Variants in RPH3AL observed in about 807,000 individuals in gnomAD.
The protein encoded by RPH3AL is rabphilin 3A like (without C2 domains).
RPH3AL carries 38 observed loss-of-function variants against 43.1 expected under a neutral mutation model. That is an observed-to-expected ratio of 0.88 (90% CI 0.68 to 1.15). RPH3AL has a LOEUF of 1.15. Among genes scored for constraint, RPH3AL ranks in the 50% most tolerant of loss-of-function variants. The pLI is 0.00. For synonymous variants in RPH3AL, 189 were observed against 176.3 expected (o/e 1.07, Z -0.57); for missense variants, 462 against 423.2 (o/e 1.09, Z -0.81).
In RPH3AL at chr17:283,164, G is replaced by A. The variant is rs1325942770; in HGVS notation, c.352-1310C>T. ...GTCCCTGCGTGGGTGGGGGCTCTCT[G>A]CAGCCCCCCGCCGAGGGAAGGTTGC... is the stretch of plus-strand genomic sequence containing the variant. On this transcript the variant is annotated intron_variant, in intron 5 of 9. Coordinates refer to ENST00000331302, the MANE Select transcript of RPH3AL (RefSeq NM_006987.4). The surrounding 1 kb of genome is among the most constrained non-coding windows in gnomAD (Gnocchi z 4.2). 2.6e-5 allele frequency among the ~76,000 whole-genome samples: 4 copies of A among 152,152 alleles called. No individual in the cohort carries two copies. The highest frequency in any genetic ancestry group is 4.8e-5 in the African/African-American group (2 of 41,426).
chr17:296,873 C>T (rs1184905790), intron 5 of RPH3AL, among the ~76,000 whole-genome samples: 1 of 152,218 alleles, frequency 6.6e-6, no homozygotes, highest in African/African-American at 2.4e-5. Context: ...AGGAACCCAC[C>T]AGCTCCGCTC....
In RPH3AL at chr17:312,112, G is replaced by A. The variant is rs1041274345; in HGVS notation, c.351+7308C>T. On this transcript the variant is annotated intron_variant, in intron 5 of 9. Transcript: ENST00000331302. ...TGAGGGCTAGTTAGAGACCAGCCCG[G>A]GCAACAAAGCGATACCCTGTCTCTA... is the stretch of plus-strand genomic sequence containing the variant. Among the ~76,000 whole-genome samples, 4 of 152,212 alleles carry A rather than the reference G, an allele frequency of 2.6e-5. No individual in the cohort carries two copies. The South Asian group carries it at 8.3e-4, about 32-fold the overall frequency.
intron 7 of RPH3AL, among the ~76,000 whole-genome samples, chr17:226,227 TGAA>T (rs2041104141): frequency 6.6e-6 from 1 of 152,158 alleles, no homozygotes. Flanking sequence ...GCCACAGCCG[TGAA>T]GAAGTGGGGA....
At chr17:258,731 C>T (rs1317656156) in intron 6 of RPH3AL, among the ~76,000 whole-genome samples, 1 of 150,802 alleles carries the variant, frequency 6.6e-6, no homozygotes, top group African/African-American at 2.4e-5. Flanking sequence ...GCCATTGGTA[C>T]TCAGCCATTT....
chr17:232,131 T>C (rs117849583), intron 7 of RPH3AL, among the ~76,000 whole-genome samples: 30,454 of 152,116 alleles, frequency 0.2, 3,740 homozygotes, highest in Non-Finnish European at 0.28. Context: ...AAGCAAGACG[T>C]GGCCGGGCCT....
At chr17:313,821 A>G (rs1477125144) in intron 5 of RPH3AL, among the ~76,000 whole-genome samples, 1 of 152,160 alleles carries the variant, frequency 6.6e-6, no homozygotes, top group African/African-American at 2.4e-5. Flanking sequence ...ACCTTCTCCA[A>G]GAAGGAAGAG....
chr17:231,485 T>C (rs1218263236), intron 7 of RPH3AL, among the ~76,000 whole-genome samples: 1 of 152,214 alleles, frequency 6.6e-6, no homozygotes, highest in Non-Finnish European at 1.5e-5. Flanking sequence ...GACGGACAGT[T>C]GGCCCTGGGA....
In RPH3AL at chr17:289,967, C is replaced by T. The variant is rs1218578571; in HGVS notation, c.352-8113G>A. ...TGGCTGCAGGGCTCCTGTGACTTCC[C>T]CTGCTGGGCCGTCATCTTCCCAAGG... On this transcript the variant is annotated intron_variant, in intron 5 of 9. Coordinates refer to ENST00000331302, the MANE Select transcript of RPH3AL (RefSeq NM_006987.4). The surrounding 1 kb of genome is among the most constrained non-coding windows in gnomAD (Gnocchi z 5.2). 2.0e-5 allele frequency among the ~76,000 whole-genome samples: 3 copies of T among 152,220 alleles called. No homozygotes were observed. The highest frequency in any genetic ancestry group is 6.5e-5 in the Admixed American group (1 of 15,278).
In RPH3AL at chr17:290,544, G is replaced by T. The variant is rs1480127246; in HGVS notation, c.352-8690C>A. 6.6e-6 allele frequency among the ~76,000 whole-genome samples: 1 copy of T among 152,158 alleles called. No homozygotes were observed. Among genetic ancestry groups the T allele is most frequent in the African/African-American group, 2.4e-5 (1 of 41,448 alleles). On this transcript the variant is annotated intron_variant, in intron 5 of 9. Coordinates refer to ENST00000331302, the MANE Select transcript of RPH3AL (RefSeq NM_006987.4). The surrounding 1 kb of genome is among the most constrained non-coding windows in gnomAD (Gnocchi z 4.2). ...GTCCTTCTTATCCAGGGCCACTTCA[G>T]TGACATTTCTGCTTCCTGCGACTCC...
Position 264,010 on chromosome 17 carries a change from C to T in RPH3AL, c.439-16725G>A, listed in dbSNP as rs1567596543. 6.6e-6 allele frequency among the ~76,000 whole-genome samples: 1 copy of T among 152,102 alleles called. No homozygotes were observed. Among genetic ancestry groups the T allele is most frequent in the Non-Finnish European group, 1.5e-5 (1 of 68,020 alleles). ...GAGGGTATCGTGCTGTTAGCGGACGCGATGCTGCTTTCCAAGATGGCTGGG... is the reference window on the plus strand; with the variant it reads ...GAGGGTATCGTGCTGTTAGCGGACGTGATGCTGCTTTCCAAGATGGCTGGG... On this transcript the variant is annotated intron_variant, in intron 6 of 9. Transcript: ENST00000331302. This position sits in a 1 kb window ranked among gnomAD's most constrained non-coding sequence, Gnocchi z 4.8.
chr17:332,713 C>G (rs4074372), intron 2 of RPH3AL: 144,815 of 249,878 alleles, frequency 0.58, 45,538 homozygotes, highest in Admixed American at 0.7. Context: ...ACGGGGTAGT[C>G]GGCCTCAAGG....
intron 3 of RPH3AL, among the ~76,000 whole-genome samples, chr17:325,139 G>C (rs2044589746): frequency 1.3e-5 from 2 of 152,300 alleles, no homozygotes; most frequent in South Asian, 2.1e-4. Flanking sequence ...GGGATTACAG[G>C]CGTGAGCCAC....
intron 5 of RPH3AL, among the ~76,000 whole-genome samples, chr17:295,376 A>G: frequency 1.5e-5 from 2 of 130,406 alleles, no homozygotes; most frequent in East Asian, 2.4e-4. Flanking sequence ...AATGCACATC[A>G]GTGTGGGAGG....
At chr17:222,807 C>T (rs2041022691) in intron 7 of RPH3AL, among the ~76,000 whole-genome samples, 2 of 152,316 alleles carry the variant, frequency 1.3e-5, no homozygotes, top group Admixed American at 1.3e-4. Flanking sequence ...CTGCAGAATC[C>T]TCCTTTTTCC....
chr17:297,219 G>A (rs1383124336), intron 5 of RPH3AL, among the ~76,000 whole-genome samples: 2 of 152,208 alleles, frequency 1.3e-5, no homozygotes, highest in Non-Finnish European at 2.9e-5. Flanking sequence ...ATCCCCACAT[G>A]CCCCACCCAG....
chr17:243,161 ACCTTCCTCTATTGATTAC>A (rs1329174105), intron 7 of RPH3AL, among the ~76,000 whole-genome samples: 1 of 111,688 alleles, frequency 9.0e-6, no homozygotes, highest in Non-Finnish European at 1.9e-5. Context: ...TCTATTGATT[ACCTTCCTCTATTGATTAC>A]CCTTCCTCTA....
Position 238,364 on chromosome 17 carries a change from G to A in RPH3AL, c.613+8747C>T, listed in dbSNP as rs115214361. Reference sequence around the variant, plus strand: ...GAGAGAGAGAGAAAAGAAAAGAAACGAAACTCCAGGGCAGACCTAGGCAGC... The same window carrying A: ...GAGAGAGAGAGAAAAGAAAAGAAACAAAACTCCAGGGCAGACCTAGGCAGC... On this transcript the variant is annotated intron_variant, in intron 7 of 9. Coordinates refer to ENST00000331302, the MANE Select transcript of RPH3AL (RefSeq NM_006987.4). 6.5e-3 allele frequency among the ~76,000 whole-genome samples: 990 copies of A among 152,214 alleles called. 11 individuals are homozygous for A. The highest frequency in any genetic ancestry group is 0.022 in the African/African-American group (915 of 41,520).
chr17:345,237 G>T (rs1188798554), intron 1 of RPH3AL, among the ~76,000 whole-genome samples: 1 of 134,998 alleles, frequency 7.4e-6, no homozygotes, highest in Non-Finnish European at 1.7e-5. Context: ...CCATGATCGT[G>T]CCACTGCACT....
intron 6 of RPH3AL, among the ~76,000 whole-genome samples, chr17:260,004 C>T (rs1409361857): frequency 2.0e-5 from 3 of 152,166 alleles, no homozygotes; most frequent in Admixed American, 2.0e-4. Context: ...GACAGGGGAG[C>T]CTGAAGACCC....
Sources: gnomAD v4.1 joint callset for allele counts (sites outside exome capture counted in the v4.1 genomes callset) on GRCh38, gnomAD v4.1.1 for gene constraint, Gnocchi (gnomAD v3.1) non-coding constraint, MANE v1.5 for transcripts, NCBI Gene and HGNC (gene_info 2026-07-23, HGNC 2026-07-21) for gene names.